The following ZNF423 variants were observed in gnomAD, a reference collection of about 807,000 sequenced individuals.
ZNF423 encodes Ebf-associated zinc finger protein.
A neutral mutation model predicts 95.8 loss-of-function variants in ZNF423; 12 were observed. That is an observed-to-expected ratio of 0.13 (90% CI 0.08 to 0.20). The LOEUF is 0.20. Among genes scored for constraint, ZNF423 ranks in the 10% least tolerant of loss-of-function variants. The probability of loss-of-function intolerance (pLI) is 1.00; values close to 1 mark genes in which losing one functional copy is unlikely to be tolerated. For synonymous variants in ZNF423, 749 were observed against 711.9 expected (o/e 1.05, Z -0.83); for missense variants, 1,316 against 1,737.1 (o/e 0.76, Z 4.31).
intron 5 of ZNF423, among the ~76,000 whole-genome samples, chr16:49,540,636 G>T (rs1192771526): frequency 6.6e-6 from 1 of 152,160 alleles, no homozygotes; most frequent in Non-Finnish European, 1.5e-5. Flanking sequence ...CGATTACTCT[G>T]CTTTCACCTC....
At chr16:49,844,755 T>C (rs1480943291) in intron 1 of ZNF423, among the ~76,000 whole-genome samples, 2 of 152,310 alleles carry the variant, frequency 1.3e-5, no homozygotes, top group Non-Finnish European at 2.9e-5. Flanking sequence ...TAATAAATAT[T>C]GGCGAGGCCC....
At chr16:49,825,243 A>G (rs1002294282) in intron 1 of ZNF423, among the ~76,000 whole-genome samples, 2 of 152,166 alleles carry the variant, frequency 1.3e-5, no homozygotes, top group Non-Finnish European at 2.9e-5. Context: ...GTTGTTGAAA[A>G]TTACTTTTTA....
chr16:49,541,086 C>G (rs1356612838), intron 5 of ZNF423, among the ~76,000 whole-genome samples: 1 of 152,196 alleles, frequency 6.6e-6, no homozygotes, highest in African/African-American at 2.4e-5. Context: ...CTCATGTCTG[C>G]CCCATCAGGG....
intron 3 of ZNF423, among the ~76,000 whole-genome samples, chr16:49,639,693 G>A (rs956680957): frequency 3.3e-5 from 5 of 152,184 alleles, no homozygotes; most frequent in Non-Finnish European, 5.9e-5. Flanking sequence ...GGACATGGAA[G>A]GCCACAGAGC....
chr16:49,794,493 C>T (rs1267936777), intron 1 of ZNF423, among the ~76,000 whole-genome samples: 1 of 152,182 alleles, frequency 6.6e-6, no homozygotes, highest in Admixed American at 6.5e-5. Context: ...TTCAGCCATA[C>T]GGCCCCCCAC....
chr16:49,685,105 C>T (rs908194915), intron 3 of ZNF423, among the ~76,000 whole-genome samples: 3 of 152,174 alleles, frequency 2.0e-5, no homozygotes, highest in Admixed American at 6.5e-5. Flanking sequence ...CATCCGGCAG[C>T]CCAGCCAGGC....
chr16:49,554,993 C>T (rs1597095444), intron 5 of ZNF423, among the ~76,000 whole-genome samples: 1 of 151,948 alleles, frequency 6.6e-6, no homozygotes, highest in African/African-American at 2.4e-5. Context: ...AAATTAAGAG[C>T]TTGGTCAAGA....
At chr16:49,726,221 G>A (rs1033852336) in intron 3 of ZNF423, among the ~76,000 whole-genome samples, 9 of 152,032 alleles carry the variant, frequency 5.9e-5, no homozygotes, top group African/African-American at 1.7e-4. Flanking sequence ...GCACCCACAC[G>A]CCCTCCAGCT....
chr16:49,857,901 G>T (rs1305420606), upstream of ZNF423: 1 of 152,236 alleles, frequency 6.6e-6, no homozygotes, highest in Non-Finnish European at 1.5e-5. This position sits in a 1 kb window ranked among gnomAD's most constrained non-coding sequence, Gnocchi z 6.2. Flanking sequence ...GGCCCGGGAA[G>T]GGTTCTGACT....
chr16:49,573,070 G>T (rs1227280732), intron 5 of ZNF423, among the ~76,000 whole-genome samples: 1 of 152,110 alleles, frequency 6.6e-6, no homozygotes, highest in Non-Finnish European at 1.5e-5. Flanking sequence ...GCGAGTGAAT[G>T]GTGACTTAAA....
At chr16:49,756,494 C>T (rs2033728951) in intron 2 of ZNF423, among the ~76,000 whole-genome samples, 1 of 152,192 alleles carries the variant, frequency 6.6e-6, no homozygotes, top group Admixed American at 6.5e-5. Context: ...TGGACCCCTC[C>T]CCGGAGTTCC....
chr16:49,802,556 G>A (rs543839330), intron 1 of ZNF423, among the ~76,000 whole-genome samples: 4 of 152,302 alleles, frequency 2.6e-5, no homozygotes, highest in Non-Finnish European at 4.4e-5. Flanking sequence ...CACGATCAGC[G>A]CACCATGGGA....
At chr16:49,823,778 C>A (rs1197403690) in intron 1 of ZNF423, among the ~76,000 whole-genome samples, 1 of 152,096 alleles carries the variant, frequency 6.6e-6, no homozygotes, top group African/African-American at 2.4e-5. Flanking sequence ...CACACACCAA[C>A]AGGCTTCATC....
chr16:49,775,651 C>T (rs1357068080), intron 2 of ZNF423, among the ~76,000 whole-genome samples: 2 of 152,164 alleles, frequency 1.3e-5, no homozygotes, highest in African/African-American at 4.8e-5. Flanking sequence ...AGCCCATTCT[C>T]ACAGTGAATA....
At chr16:49,770,062 T>C (rs895799537) in intron 2 of ZNF423, among the ~76,000 whole-genome samples, 3 of 152,170 alleles carry the variant, frequency 2.0e-5, no homozygotes, top group African/African-American at 2.4e-5. Flanking sequence ...ATTCATTTTT[T>C]ACTTTTCTAG....
At chr16:49,834,188 GCAGTTCCACTA>G (rs1418099323) in intron 1 of ZNF423, among the ~76,000 whole-genome samples, 1 of 152,140 alleles carries the variant, frequency 6.6e-6, no homozygotes, top group East Asian at 1.9e-4. Context: ...TTAAGGCCCT[GCAGTTCCACTA>G]CATACAGCCT....
chr16:49,589,189 A>C (rs770916943), intron 5 of ZNF423, among the ~76,000 whole-genome samples: 1 of 152,196 alleles, frequency 6.6e-6, no homozygotes, highest in African/African-American at 2.4e-5. Flanking sequence ...GTCAAAGTCC[A>C]TCACAAAGGG....
At chr16:49,557,322 G>A (rs369593649) in intron 5 of ZNF423, among the ~76,000 whole-genome samples, 61 of 152,206 alleles carry the variant, frequency 4.0e-4, no homozygotes, top group African/African-American at 1.4e-3. Context: ...GGGGGCAGAC[G>A]CCGCAGCCCC....
At chr16:49,631,552 G>C (rs1972498825) in intron 4 of ZNF423, among the ~76,000 whole-genome samples, 1 of 152,180 alleles carries the variant, frequency 6.6e-6, no homozygotes, top group South Asian at 2.1e-4. Flanking sequence ...AGGAGAACTA[G>C]AGCTGAGTTC....
Sources: gnomAD v4.1 joint callset for allele counts (sites outside exome capture counted in the v4.1 genomes callset) on GRCh38, gnomAD v4.1.1 for gene constraint, Gnocchi (gnomAD v3.1) non-coding constraint, MANE v1.5 for transcripts, NCBI Gene and HGNC (gene_info 2026-07-23, HGNC 2026-07-21) for gene names.